The following ASB7 variants were observed in gnomAD, a reference collection of about 807,000 sequenced individuals.
ASB7 encodes the protein ankyrin repeat and SOCS box containing 7, also known as ankyrin repeat and SOCS box protein 7.
ASB7 carries 4 observed loss-of-function variants against 32.5 expected under a neutral mutation model. The observed-to-expected ratio is 0.12, with a 90% CI of 0.06 to 0.28. The LOEUF is 0.28. Ranked by LOEUF, ASB7 falls within the 10% of genes least tolerant of loss-of-function variation. The pLI, the probability that ASB7 is intolerant of heterozygous loss-of-function variation, is 1.00. For missense variants in ASB7, 181 were observed against 407.1 expected (o/e 0.44, Z 4.78); for synonymous variants, 172 against 155.6 (o/e 1.11, Z -0.78).
chr15:100,637,460 A>AT (rs2039931934), intron 5 of ASB7, among the ~76,000 whole-genome samples: 1 of 152,204 alleles, frequency 6.6e-6, no homozygotes, highest in Admixed American at 6.5e-5. Flanking sequence ...AACAAAAGTG[A>AT]TTTTTTGATC....
chr15:100,640,947 C>T (rs1372960343), intron 5 of ASB7, among the ~76,000 whole-genome samples: 1 of 152,126 alleles, frequency 6.6e-6, no homozygotes, highest in East Asian at 1.9e-4. Flanking sequence ...TTATGTAATT[C>T]CATTGTAGTT....
At position 100,609,752 on chromosome 15, in the gene ASB7, C is replaced by A. The variant is rs760440317; in HGVS notation, c.-128C>A. 6.6e-6 allele frequency: 1 copy of A among 152,068 alleles called. No individual in the cohort carries two copies. The highest frequency in any genetic ancestry group is 1.5e-5 in the Non-Finnish European group (1 of 68,010). 9.4% of individuals were successfully genotyped at this position (152,068 alleles called of 1,614,324 possible). On this transcript the variant is annotated 5_prime_UTR_variant, in exon 3 of 6. Transcript: ENST00000332783. Reference sequence around the variant, plus strand: ...CTGTAGCCTGGACGTACTTTGAAGCCCCTCCCCACGATGCTGTACGTGCAC... The same window carrying A: ...CTGTAGCCTGGACGTACTTTGAAGCACCTCCCCACGATGCTGTACGTGCAC...
intron 5 of ASB7, among the ~76,000 whole-genome samples, chr15:100,643,536 C>A (rs1283777405): frequency 7.3e-6 from 1 of 137,450 alleles, no homozygotes; most frequent in African/African-American, 2.8e-5. Flanking sequence ...GTCTCCCAGG[C>A]TGGAGTGCAG....
At chr15:100,640,720 T>G (rs2039955329) in intron 5 of ASB7, among the ~76,000 whole-genome samples, 1 of 152,158 alleles carries the variant, frequency 6.6e-6, no homozygotes, top group Admixed American at 6.5e-5. Flanking sequence ...AATCCAGGTA[T>G]TTTTAAACAA....
chr15:100,614,306 A>G (rs1001391456), intron 4 of ASB7, among the ~76,000 whole-genome samples: 1 of 151,988 alleles, frequency 6.6e-6, no homozygotes, highest in Admixed American at 6.6e-5. Context: ...AGAAAGAAAG[A>G]AAAATTCTGT....
intron 5 of ASB7, among the ~76,000 whole-genome samples, chr15:100,640,536 G>T (rs1043723765): frequency 6.6e-6 from 1 of 152,212 alleles, no homozygotes; most frequent in Non-Finnish European, 1.5e-5. Flanking sequence ...GAGTCTGGAA[G>T]TTCAGGTGTG....
intron 5 of ASB7, among the ~76,000 whole-genome samples, chr15:100,632,936 G>C (rs2039894823): frequency 6.6e-6 from 1 of 151,640 alleles, no homozygotes; most frequent in Admixed American, 6.6e-5. Context: ...TGCTGAGTAG[G>C]GGGAGAGGCC....
chr15:100,613,790 A>G (rs1177722885), intron 4 of ASB7, among the ~76,000 whole-genome samples: 1 of 152,234 alleles, frequency 6.6e-6, no homozygotes, highest in Admixed American at 6.5e-5. Flanking sequence ...TATTCAAGTA[A>G]TACATGAATA....
chr15:100,626,973 A>G (rs1212949283), intron 4 of ASB7, among the ~76,000 whole-genome samples: 5 of 152,144 alleles, frequency 3.3e-5, no homozygotes, highest in Admixed American at 1.3e-4. Flanking sequence ...ACTTTTTGAG[A>G]TGATGGAATG....
At chr15:100,637,434 A>C (rs1424937797) in intron 5 of ASB7, among the ~76,000 whole-genome samples, 1 of 152,256 alleles carries the variant, frequency 6.6e-6, no homozygotes, top group African/African-American at 2.4e-5. Context: ...AGACTTCTTC[A>C]ATCAGTGGAG....
intron 4 of ASB7, among the ~76,000 whole-genome samples, chr15:100,614,742 C>CAAAAAAAAAA (rs58705118): frequency 1.7e-5 from 1 of 57,212 alleles, no homozygotes; most frequent in African/African-American, 5.7e-5. Context: ...AGCTGATGAG[C>CAAAAAAAAAA]AAAAAAAAAA....
chr15:100,634,686 C>T (rs1275937901), intron 5 of ASB7, among the ~76,000 whole-genome samples: 1 of 152,146 alleles, frequency 6.6e-6, no homozygotes, highest in South Asian at 2.1e-4. Flanking sequence ...CACCTATTGT[C>T]CCCGCTACTC....
intron 5 of ASB7, among the ~76,000 whole-genome samples, chr15:100,630,869 T>G (rs750420633): frequency 1.3e-5 from 2 of 152,194 alleles, no homozygotes; most frequent in Non-Finnish European, 2.9e-5. Flanking sequence ...CAAAATGGAT[T>G]TTGCTGTCTG....
chr15:100,613,225 G>T (rs554149144), intron 4 of ASB7, among the ~76,000 whole-genome samples: 2 of 152,186 alleles, frequency 1.3e-5, no homozygotes, highest in Non-Finnish European at 2.9e-5. Flanking sequence ...GGCTTTAATT[G>T]CTCATTAGAA....
At chr15:100,633,703 G>A (rs1337673907) in intron 5 of ASB7, among the ~76,000 whole-genome samples, 1 of 150,678 alleles carries the variant, frequency 6.6e-6, no homozygotes, top group African/African-American at 2.4e-5. Context: ...GAAGGAGGAA[G>A]AAAAAAAAGA....
At position 100,649,089 on chromosome 15, in the gene ASB7, T is replaced by C. The variant is rs1207354393; in HGVS notation, c.*627T>C. On this transcript the variant is annotated 3_prime_UTR_variant, in exon 6 of 6. Transcript: ENST00000332783. ...TTGCTGTGCTCTTGTTTTTAACTTA[T>C]TTTTTTTTTAACAACTGTAGTACAC... 6.6e-6 allele frequency: 1 copy of C among 150,640 alleles called. No individual in the cohort carries two copies. Among genetic ancestry groups the C allele is most frequent in the Non-Finnish European group, 1.5e-5 (1 of 67,430 alleles). The allele number at this position is 150,640 out of a possible 1,614,324, so 9.3% of individuals were successfully genotyped here. A position where few individuals can be genotyped will look rare whatever the true frequency, so the allele number is the denominator to read the frequency against.
intron 5 of ASB7, among the ~76,000 whole-genome samples, chr15:100,634,641 TA>T (rs549529382): frequency 7.9e-4 from 121 of 152,218 alleles, no homozygotes; most frequent in African/African-American, 2.7e-3. Context: ...CCGTCTCTAC[TA>T]AAAACACAAA....
chr15:100,629,649 G>A lies in ASB7; in HGVS notation c.424G>A (p.Glu142Lys), dbSNP rs374994040. 6.2e-7 allele frequency: 1 copy of A among 1,614,184 alleles called. No homozygotes were observed. Among genetic ancestry groups the A allele is most frequent in the East Asian group, 2.2e-5 (1 of 44,892 alleles). ...FVRLLLEFKAEVDPLSDKGTT... is the reference protein window; with the variant it reads ...FVRLLLEFKAKVDPLSDKGTT... ...CCGGCTCCTCCTGGAGTTCAAGGCT[G>A]AGGTTGACCCACTCAGTGATAAAGG... Residue 142 changes from glutamate (E) to lysine (K), a missense_variant, in exon 5 of 6, where the codon GAG (glutamate) becomes AAG (lysine). By Grantham distance (56) the Glu-to-Lys change is moderately conservative. Transcript: ENST00000332783. The surrounding 1 kb of genome is among the most constrained non-coding windows in gnomAD (Gnocchi z 6.8).
At chr15:100,619,242 C>T (rs897101661) in intron 4 of ASB7, among the ~76,000 whole-genome samples, 4 of 151,992 alleles carry the variant, frequency 2.6e-5, no homozygotes, top group African/African-American at 4.8e-5. Context: ...CTGCGTGTGA[C>T]GGGTTGAAGG....
Sources: gnomAD v4.1 joint callset for allele counts (sites outside exome capture counted in the v4.1 genomes callset) on GRCh38, gnomAD v4.1.1 for gene constraint, Gnocchi (gnomAD v3.1) non-coding constraint, MANE v1.5 for transcripts, NCBI Gene and HGNC (gene_info 2026-07-23, HGNC 2026-07-21) for gene names.